The following DYM variants were observed in gnomAD, a reference collection of about 807,000 sequenced individuals.
DYM encodes dyggve-Melchior-Clausen syndrome protein.
In DYM, 78 loss-of-function variants were observed where a neutral mutation model predicts 93.1. That is an observed-to-expected ratio of 0.84 (90% CI 0.70 to 1.01). DYM has a LOEUF of 1.01. DYM is among the 50% of genes least tolerant of loss of function. The pLI is 0.00. For synonymous variants in DYM, 321 were observed against 319.7 expected (o/e 1.00, Z -0.04); for missense variants, 789 against 845.0 (o/e 0.93, Z 0.82).
chr18:49,352,026 G>T lies in DYM; in HGVS notation c.494+11135C>A, dbSNP rs77669435. Among the ~76,000 whole-genome samples, 523 of 152,278 alleles carry T rather than the reference G, an allele frequency of 3.4e-3. 4 individuals carry two copies. Among genetic ancestry groups the T allele is most frequent in the African/African-American group, 0.012 (485 of 41,566 alleles). On this transcript the variant is annotated intron_variant, in intron 6 of 17. Coordinates refer to ENST00000675505, the MANE Select transcript of DYM (RefSeq NM_001353214.3). ...GACTACACGTAGAACTTTCAAAAATGAGGCTAAAATAATAAAAAAAGAATG... is the reference window on the plus strand; with the variant it reads ...GACTACACGTAGAACTTTCAAAAATTAGGCTAAAATAATAAAAAAAGAATG...
intron 3 of DYM, among the ~76,000 whole-genome samples, chr18:49,388,562 T>G (rs2068859274): frequency 6.6e-6 from 1 of 151,526 alleles, no homozygotes; most frequent in Admixed American, 6.6e-5. Context: ...ACATAATGGC[T>G]AAGAATTTTC....
intron 8 of DYM, among the ~76,000 whole-genome samples, chr18:49,318,739 C>T (rs1053059125): frequency 1.7e-4 from 26 of 151,668 alleles, no homozygotes; most frequent in African/African-American, 5.3e-4. Context: ...TTTTTAGTTA[C>T]TCAAATAGCA....
rs186283761 is a variant in DYM, at chr18:49,173,261, C to T, written c.1626-9474G>A. 3.1e-4 allele frequency among the ~76,000 whole-genome samples: 47 copies of T among 152,218 alleles called. 1 individual carries two copies. The highest frequency in any genetic ancestry group is 1.1e-3 in the African/African-American group (46 of 41,560). On this transcript the variant is annotated intron_variant, in intron 14 of 17. Transcript: ENST00000675505. ...AAATCAGGTAGTGTGAGTCTTCCAA[C>T]TTAGGCTTTGTCAAAATTGCTTTTG...
intron 8 of DYM, among the ~76,000 whole-genome samples, chr18:49,288,437 A>G (rs1010621698): frequency 6.6e-6 from 1 of 152,136 alleles, no homozygotes; most frequent in Non-Finnish European, 1.5e-5. Context: ...ATCTGAATTA[A>G]TGTAAAGGCA....
At chr18:49,392,495 C>T (rs1049472293) in intron 2 of DYM, among the ~76,000 whole-genome samples, 6 of 151,840 alleles carry the variant, frequency 4.0e-5, no homozygotes, top group Non-Finnish European at 8.8e-5. Context: ...ACTCCTACAA[C>T]TCAACAACAA....
At chr18:49,260,846 C>T (rs1233882788) in intron 11 of DYM, among the ~76,000 whole-genome samples, 1 of 151,000 alleles carries the variant, frequency 6.6e-6, no homozygotes, top group African/African-American at 2.5e-5. Context: ...CACCCATGTA[C>T]CATCTCCGGG....
rs1555690209 is a variant in DYM, at chr18:49,317,551, T to TTGTC, written c.763+14312_763+14313insGACA. ...TGCCCTAGTCCTTAGCCATCTAGAT[T>TTGTC]TCTCTCTCTCTCTCTCTCTCTCTCT... On this transcript the variant is annotated intron_variant, in intron 8 of 17. Transcript: ENST00000675505. Among the ~76,000 whole-genome samples, 269 of 29,336 alleles carry TTGTC rather than the reference T, an allele frequency of 9.2e-3. 52 individuals are homozygous for TTGTC. The Middle Eastern group carries it at 0.094, about 10-fold the overall frequency. The allele number at this position is 29,336 out of a possible 152,430, so 19.2% of individuals were successfully genotyped here. A position where few individuals can be genotyped will look rare whatever the true frequency, so the allele number is the denominator to read the frequency against.
intron 5 of DYM, among the ~76,000 whole-genome samples, chr18:49,371,379 C>T (rs960893459): frequency 1.3e-5 from 2 of 152,090 alleles, no homozygotes; most frequent in Admixed American, 6.5e-5. Context: ...ATGGTATGTG[C>T]CTGTAGCCCT....
At chr18:49,424,718 T>A (rs1047323378) in intron 2 of DYM, among the ~76,000 whole-genome samples, 1 of 152,018 alleles carries the variant, frequency 6.6e-6, no homozygotes, top group South Asian at 2.1e-4. Context: ...AATCAATGTA[T>A]AAAAATCACA....
chr18:49,218,553 G>A (rs368732074), intron 13 of DYM, among the ~76,000 whole-genome samples: 4 of 152,032 alleles, frequency 2.6e-5, no homozygotes, highest in Admixed American at 6.6e-5. Flanking sequence ...ATAACAAACT[G>A]TCTCTCAGAC....
At chr18:49,256,899 A>T (rs1390449675) in intron 13 of DYM, 111 bp downstream of exon 13, 3 of 883,680 alleles carry the variant, frequency 3.4e-6, no homozygotes, top group Non-Finnish European at 5.5e-6. Context: ...AAAATTAAGT[A>T]GGAAAATTTG....
chr18:49,194,798 G>T (rs1297317435), intron 14 of DYM, among the ~76,000 whole-genome samples: 1 of 152,000 alleles, frequency 6.6e-6, no homozygotes, highest in African/African-American at 2.4e-5. Context: ...TTGATTTTCT[G>T]CTAAGTCATT....
chr18:49,383,951 AATC>A (rs2068306380), intron 3 of DYM, among the ~76,000 whole-genome samples: 1 of 128,354 alleles, frequency 7.8e-6, no homozygotes, highest in Non-Finnish European at 1.7e-5. Context: ...AATACACAGC[AATC>A]AACAGTAGAC....
chr18:49,442,102 G>A (rs74465112), intron 1 of DYM, among the ~76,000 whole-genome samples: 13,882 of 152,076 alleles, frequency 0.091, 853 homozygotes, highest in East Asian at 0.31. Flanking sequence ...TTAAAAAATA[G>A]ATCGTCACCT....
At chr18:49,185,782 C>A (rs887851919) in intron 14 of DYM, among the ~76,000 whole-genome samples, 1 of 152,180 alleles carries the variant, frequency 6.6e-6, no homozygotes, top group African/African-American at 2.4e-5. Flanking sequence ...TTATTCCCAA[C>A]TTGCTTGCTG....
chr18:49,050,931 T>C (rs1387154214), intron 17 of DYM, among the ~76,000 whole-genome samples: 1 of 152,126 alleles, frequency 6.6e-6, no homozygotes, highest in Non-Finnish European at 1.5e-5. Flanking sequence ...ATTAAATAAA[T>C]GAACGAATGA....
chr18:49,421,451 G>T (rs1296578526), intron 2 of DYM, among the ~76,000 whole-genome samples: 5 of 152,172 alleles, frequency 3.3e-5, no homozygotes, highest in Non-Finnish European at 4.4e-5. Context: ...CTGTTAGAAG[G>T]AAAACTAACA....
At chr18:49,423,214 C>G (rs527610901) in intron 2 of DYM, among the ~76,000 whole-genome samples, 3 of 152,182 alleles carry the variant, frequency 2.0e-5, no homozygotes, top group South Asian at 2.1e-4. Flanking sequence ...ACAGTGCAAC[C>G]AAACTAGAAC....
At chr18:49,428,175 C>T (rs751897102) in intron 2 of DYM, among the ~76,000 whole-genome samples, 2 of 150,600 alleles carry the variant, frequency 1.3e-5, no homozygotes, top group East Asian at 2.1e-4. Flanking sequence ...AAGCCAGTCA[C>T]GGCGGGGCGC....
Sources: allele counts gnomAD v4.1 joint callset (sites outside exome capture counted in the v4.1 genomes callset), GRCh38; gene constraint gnomAD v4.1.1; transcripts MANE v1.5; gene names NCBI Gene and HGNC (gene_info 2026-07-23, HGNC 2026-07-21).